FARP2: variants seen among roughly 807,000 people sequenced by gnomAD.
The protein encoded by FARP2 is FERM, ARHGEF and pleckstrin domain-containing protein 2.
A neutral mutation model predicts 130.5 loss-of-function variants in FARP2; 111 were observed. The ratio of observed to expected loss-of-function variants is 0.85; its 90% CI spans 0.73 to 1.00. FARP2 has a LOEUF of 1.00. FARP2 is among the 50% of genes least tolerant of loss of function. The pLI, the probability that FARP2 is intolerant of heterozygous loss-of-function variation, is 0.00. For synonymous variants in FARP2, 504 were observed against 516.9 expected (o/e 0.98, Z 0.34); for missense variants, 1,385 against 1,346.3 (o/e 1.03, Z -0.45).
rs1347360463 is a variant in FARP2, at chr2:241,494,215, G to A, written c.*90G>A. 9.3e-6 allele frequency: 7 copies of A among 752,580 alleles called. No homozygotes were observed. The highest frequency in any genetic ancestry group is 7.3e-5 in the African/African-American group (4 of 54,904). 46.6% of individuals were successfully genotyped at this position (752,580 alleles called of 1,614,324 possible). A position where few individuals can be genotyped will look rare whatever the true frequency, so the allele number is the denominator to read the frequency against. ...CCTGAGGCTTCTCAACAGATGGGAA[G>A]TGGCTGTGGTCTCACTGGATCCCCA... On this transcript the variant is annotated 3_prime_UTR_variant, in exon 27 of 27. Transcript: ENST00000264042. This position sits in a 1 kb window ranked among gnomAD's most constrained non-coding sequence, Gnocchi z 4.9.
At chr2:241,379,275 G>C (rs536510813) in intron 2 of FARP2, among the ~76,000 whole-genome samples, 1 of 152,332 alleles carries the variant, frequency 6.6e-6, no homozygotes, top group South Asian at 2.1e-4. Flanking sequence ...CTGAAAGTTA[G>C]TATTATGGAG....
At chr2:241,415,705 C>T (rs1302520501) in intron 7 of FARP2, among the ~76,000 whole-genome samples, 1 of 152,114 alleles carries the variant, frequency 6.6e-6, no homozygotes, top group Non-Finnish European at 1.5e-5. Context: ...CCTTTAGCAG[C>T]CAGAAGCATG....
At chr2:241,492,411 G>GCAAC (rs2064953221) in intron 24 of FARP2, among the ~76,000 whole-genome samples, 1 of 152,152 alleles carries the variant, frequency 6.6e-6, no homozygotes, top group African/African-American at 2.4e-5. Context: ...ATCTTAGAGT[G>GCAAC]CAACCCCTGA....
Position 241,493,337 on chromosome 2 carries a change from G to T in FARP2, c.2940G>T (p.Val980=), listed in dbSNP as rs776411434. 3.1e-6 allele frequency: 5 copies of T among 1,613,908 alleles called. No homozygotes were observed. The highest frequency in any genetic ancestry group is 1.1e-5 in the South Asian group (1 of 91,092). The stretch of plus-strand genomic sequence containing the variant: ...GCCTCCCGCTGCTGGGCTACAGCGT[G>T]AGCATCCCCAGGGAGGCCGATGGCA... ...LASLPLLGYS[V]SIPREADGIH... is the part of the protein sequence containing the mutation. Residue 980 remains valine, a synonymous_variant, in exon 26 of 27, where the codon GTG becomes GTT. Transcript: ENST00000264042.
At chr2:241,428,046 A>G (rs59018619) in intron 8 of FARP2, among the ~76,000 whole-genome samples, 5,454 of 151,414 alleles carry the variant, frequency 0.036, 179 homozygotes, top group African/African-American at 0.083. Context: ...GATTACAGGC[A>G]TGAGCCACCA....
At chr2:241,389,810 C>T (rs916888208) in intron 2 of FARP2, among the ~76,000 whole-genome samples, 3 of 152,166 alleles carry the variant, frequency 2.0e-5, no homozygotes, top group African/African-American at 7.2e-5. Context: ...CTATTTTGAT[C>T]ACCCATCTTT....
intron 2 of FARP2, chr2:241,386,750 C>T: frequency 6.6e-6 from 1 of 152,224 alleles, no homozygotes; most frequent in East Asian, 1.9e-4. Context: ...GATTTGTTAT[C>T]TTACAAACAG....
At chr2:241,465,523 G>A in intron 17 of FARP2, 1 of 1,550,602 alleles carries the variant, frequency 6.4e-7, no homozygotes, top group East Asian at 2.4e-5. Context: ...TTTTGGATAG[G>A]CAGGGGCAGC....
At chr2:241,357,159 G>A (rs2061087481) in intron 1 of FARP2, among the ~76,000 whole-genome samples, 1 of 152,244 alleles carries the variant, frequency 6.6e-6, no homozygotes, top group South Asian at 2.1e-4. Flanking sequence ...AATACATAGT[G>A]TTAAAAAGGG....
In FARP2 at chr2:241,486,449, G is replaced by A. The variant is rs1415147541; in HGVS notation, c.2421+2118G>A. Among the ~76,000 whole-genome samples the A allele has an allele frequency of 2.7e-5, 3 of 111,234 alleles. No homozygotes were observed. In the East Asian group the frequency reaches 8.5e-4, roughly 31 times the overall value. The allele number at this position is 111,234 out of a possible 152,430, so 73.0% of individuals were successfully genotyped here. On this transcript the variant is annotated intron_variant, in intron 21 of 26. Coordinates refer to ENST00000264042, the MANE Select transcript of FARP2 (RefSeq NM_014808.4). ...TGCACTCCAGCCCCAGTGACAGAGT[G>A]AGACCTCGTCTCAAAAAAAAAAAAA...
At chr2:241,466,618 T>C (rs2064176018) in intron 17 of FARP2, 1 of 982,088 alleles carries the variant, frequency 1.0e-6, no homozygotes, top group African/African-American at 1.8e-5. Context: ...GCTTCCTGCA[T>C]CCCCACCTGG....
At chr2:241,385,139 A>C (rs1173484768) in intron 2 of FARP2, among the ~76,000 whole-genome samples, 1 of 152,202 alleles carries the variant, frequency 6.6e-6, no homozygotes, top group East Asian at 1.9e-4. Flanking sequence ...TGAATCTTCA[A>C]ATTTTACTTA....
chr2:241,418,074 C>A lies in FARP2; in HGVS notation c.736C>A (p.Leu246Met). 2 of 1,614,220 alleles carry A rather than the reference C, an allele frequency of 1.2e-6. No individual in the cohort carries two copies. Among genetic ancestry groups the A allele is most frequent in the Non-Finnish European group, 1.7e-6 (2 of 1,180,044 alleles). ...TGACAGGGAAGGAACCAAGATTCAA[C>A]TGGCAGTTTCCCACATGGGTGTACT... is the stretch of plus-strand genomic sequence containing the variant. ...ASDREGTKIQ[L>M]AVSHMGVLVF... is the part of the protein sequence containing the mutation. The change falls in exon 8 of 27, where the codon CTG (leucine) becomes ATG (methionine). Residue 246 changes from leucine to methionine, a missense_variant. By Grantham distance (15) the Leu-to-Met change is conservative (BLOSUM62 2). Coordinates refer to ENST00000264042, the MANE Select transcript of FARP2 (RefSeq NM_014808.4).
intron 12 of FARP2, among the ~76,000 whole-genome samples, chr2:241,440,822 A>G (rs1279757153): frequency 1.3e-5 from 2 of 152,092 alleles, no homozygotes; most frequent in African/African-American, 2.4e-5. Context: ...GATTCCAGGA[A>G]GACGTGGACC....
intron 18 of FARP2, 93 bp downstream of exon 18, chr2:241,468,470 G>A (rs571963181): frequency 6.3e-5 from 56 of 895,246 alleles, no homozygotes; most frequent in Middle Eastern, 3.2e-4. Context: ...TCCTTCACTG[G>A]GAAGCGCAGG....
At chr2:241,487,746 C>CTTTTTTTTTTTTTTTTTTT (rs1167750549) in intron 21 of FARP2, among the ~76,000 whole-genome samples, 1 of 73,232 alleles carries the variant, frequency 1.4e-5, no homozygotes, top group Non-Finnish European at 2.4e-5. Flanking sequence ...CTAGCCTACT[C>CTTTTTTTTTTTTTTTTTTT]TTTTTTTTTT....
intron 21 of FARP2, chr2:241,488,416 GTT>G (rs35309753): frequency 1.7e-4 from 21 of 125,920 alleles, no homozygotes; most frequent in South Asian, 1.5e-3. Flanking sequence ...TACTTTTTTG[GTT>G]TTTTTTTTTT....
intron 13 of FARP2, among the ~76,000 whole-genome samples, chr2:241,451,397 C>G (rs1212180696): frequency 6.6e-6 from 1 of 152,172 alleles, no homozygotes; most frequent in Non-Finnish European, 1.5e-5. Flanking sequence ...GTGCAGAGCT[C>G]AGTAAAACAT....
intron 21 of FARP2, among the ~76,000 whole-genome samples, chr2:241,486,119 T>C (rs911632775): frequency 6.6e-5 from 10 of 152,020 alleles, no homozygotes; most frequent in African/African-American, 2.2e-4. Context: ...ACCTTTATTA[T>C]AGAAAAAAAT....
Sources: allele counts gnomAD v4.1 joint callset (sites outside exome capture counted in the v4.1 genomes callset), GRCh38; gene constraint gnomAD v4.1.1; non-coding constraint Gnocchi (gnomAD v3.1); transcripts MANE v1.5; gene names NCBI Gene and HGNC (gene_info 2026-07-23, HGNC 2026-07-21).